ZFYVE16: variants seen among roughly 807,000 people sequenced by gnomAD.
The protein encoded by ZFYVE16 is zinc finger FYVE-type containing 16.
In ZFYVE16, 89 loss-of-function variants were observed where a neutral mutation model predicts 138.1. The observed-to-expected ratio is 0.64, with a 90% confidence interval of 0.54 to 0.77. The LOEUF is 0.77. Ranked by LOEUF, ZFYVE16 falls within the 30% of genes least tolerant of loss-of-function variation. The pLI, the probability that ZFYVE16 is intolerant of heterozygous loss-of-function variation, is 0.00. For missense variants in ZFYVE16, 1,793 were observed against 1,786.7 expected (o/e 1.00, Z -0.06); for synonymous variants, 596 against 618.3 (o/e 0.96, Z 0.53).
chr5:80,441,501 C>T, intron 5 of ZFYVE16: 5 of 985,134 alleles, frequency 5.1e-6, no homozygotes, highest in Non-Finnish European at 4.8e-6. Flanking sequence ...AAAGTTAATA[C>T]CAGCTTTAGG....
chr5:80,409,115 T>C (rs1462891300), intron 1 of ZFYVE16, among the ~76,000 whole-genome samples: 1 of 151,842 alleles, frequency 6.6e-6, no homozygotes, highest in Non-Finnish European at 1.5e-5. Context: ...CTTATAATAT[T>C]TTGACTTTTT....
chr5:80,436,741 G>C lies in ZFYVE16; in HGVS notation c.71-15G>C, dbSNP rs777550281. 4 of 1,588,032 alleles carry C rather than the reference G, an allele frequency of 2.5e-6. No homozygotes were observed. Among genetic ancestry groups the C allele is most frequent in the Admixed American group, 3.6e-5 (2 of 55,758 alleles). On this transcript the variant is annotated splice_polypyrimidine_tract_variant and intron_variant, in intron 3 of 18. Coordinates refer to ENST00000505560, the MANE Select transcript of ZFYVE16 (RefSeq NM_001284236.3). ...TGATTTAAGTCTCCCGAATAACACTGTTTCTCTATTTCAGATGAACAAGAT... is the reference window on the plus strand; with the variant it reads ...TGATTTAAGTCTCCCGAATAACACTCTTTCTCTATTTCAGATGAACAAGAT...
rs1294534509 is a variant in ZFYVE16 at position 80,482,290 on chromosome 5, G to A, written c.*4913G>A. 1 of 152,176 alleles carries A rather than the reference G, an allele frequency of 6.6e-6. No homozygotes were observed. Among genetic ancestry groups the A allele is most frequent in the East Asian group, 1.9e-4 (1 of 5,202 alleles). The allele number at this position is 152,176 out of a possible 1,614,324, so 9.4% of individuals were successfully genotyped here. A position where few individuals can be genotyped will look rare whatever the true frequency, so the allele number is the denominator to read the frequency against. On this transcript the variant is annotated 3_prime_UTR_variant, in exon 19 of 19. Coordinates refer to ENST00000505560, the MANE Select transcript of ZFYVE16 (RefSeq NM_001284236.3). ...TGAAAATACAATAACAAAATTTACT[G>A]GAAGGTCTCAACACAATGAAGATGA...
chr5:80,426,262 GTGT>G (rs1748022808), intron 1 of ZFYVE16, among the ~76,000 whole-genome samples: 4 of 57,126 alleles, frequency 7.0e-5, no homozygotes, highest in Admixed American at 5.7e-4. Flanking sequence ...GTGTGTGTGT[GTGT>G]GTGTGTGTAT....
intron 1 of ZFYVE16, among the ~76,000 whole-genome samples, chr5:80,416,088 CTG>C (rs1580082890): frequency 6.6e-6 from 1 of 152,124 alleles, no homozygotes; most frequent in East Asian, 1.9e-4. Context: ...TAGAAAGTCA[CTG>C]TGCGCTGCAC....
chr5:80,464,531 C>G (rs1217952770), intron 15 of ZFYVE16, among the ~76,000 whole-genome samples: 1 of 152,104 alleles, frequency 6.6e-6, no homozygotes, highest in Non-Finnish European at 1.5e-5. Flanking sequence ...GGACACAAAG[C>G]CTAACCATAT....
Position 80,480,073 on chromosome 5 carries a change from T to C in ZFYVE16, c.*2696T>C, listed in dbSNP as rs1755207519. Among the ~76,000 whole-genome samples, 1 of 151,674 alleles carries C rather than the reference T, an allele frequency of 6.6e-6. No homozygotes were observed. Among genetic ancestry groups the C allele is most frequent in the Admixed American group, 6.5e-5 (1 of 15,268 alleles). ...TTTCATTGTAGGCCTCAAATTACTTTTCAAATATGTCTAGTAACACATAGT... is the reference window on the plus strand; with the variant it reads ...TTTCATTGTAGGCCTCAAATTACTTCTCAAATATGTCTAGTAACACATAGT... On this transcript the variant is annotated 3_prime_UTR_variant, in exon 19 of 19. Transcript: ENST00000505560.
rs572800491 is a variant in ZFYVE16, at chr5:80,480,157, A to C, written c.*2780A>C. On this transcript the variant is annotated 3_prime_UTR_variant, in exon 19 of 19. Coordinates refer to ENST00000505560, the MANE Select transcript of ZFYVE16 (RefSeq NM_001284236.3). ...AGGCAAGAATTACTTGAAGCAATGA[A>C]AACAAACTCACAGATATAGGTATTA... is the stretch of plus-strand genomic sequence containing the variant. Among the ~76,000 whole-genome samples the C allele has an allele frequency of 6.6e-6, 1 of 151,706 alleles. No homozygotes were observed. Among genetic ancestry groups the C allele is most frequent in the South Asian group, 2.1e-4 (1 of 4,832 alleles).
At chr5:80,428,658 G>A (rs928697639) in intron 2 of ZFYVE16, among the ~76,000 whole-genome samples, 10 of 152,290 alleles carry the variant, frequency 6.6e-5, no homozygotes, top group Admixed American at 1.3e-4. Context: ...AAACTTCTCC[G>A]AACTAAAGCA....
At position 80,451,526 on chromosome 5, in the gene ZFYVE16, A is replaced by C. The variant is rs765960937; in HGVS notation, c.3424A>C (p.Ser1142Arg). The change falls in exon 11 of 19, where the codon AGT (serine) becomes CGT (arginine). Residue 1142 changes from serine to arginine, a missense_variant. Physicochemically the swap from Ser to Arg is moderately radical, Grantham distance 110. This residue lies in a region of ZFYVE16 where 498 missense variants were observed against 582.4 expected (regional missense o/e 0.86). Coordinates refer to ENST00000505560, the MANE Select transcript of ZFYVE16 (RefSeq NM_001284236.3). ...ENLDNITFTESFLSSKDHGGF... is the reference protein window; with the variant it reads ...ENLDNITFTERFLSSKDHGGF... ...CTTGGACAATATTACCTTTACTGAG[A>C]GTTTTCTCAGTAGCAAGGATCACGG... The C allele has an allele frequency of 1.2e-6, 2 of 1,613,444 alleles. No individual in the cohort carries two copies. The highest frequency in any genetic ancestry group is 2.7e-5 in the African/African-American group (2 of 74,888).
chr5:80,410,462 A>G (rs1197312447), intron 1 of ZFYVE16: 2 of 152,196 alleles, frequency 1.3e-5, no homozygotes, highest in Non-Finnish European at 2.9e-5. Context: ...AATTTTCATA[A>G]TCTTACTAGT....
chr5:80,431,571 T>C (rs980390110), intron 2 of ZFYVE16, among the ~76,000 whole-genome samples: 13 of 152,116 alleles, frequency 8.5e-5, no homozygotes, highest in African/African-American at 3.1e-4. Flanking sequence ...CAACATAGTT[T>C]TGGAAGTTCT....
chr5:80,473,087 C>T (rs1182959626), intron 16 of ZFYVE16, among the ~76,000 whole-genome samples, 164 bp downstream of exon 16: 1 of 152,094 alleles, frequency 6.6e-6, no homozygotes, highest in Non-Finnish European at 1.5e-5. Context: ...AAACATGTGC[C>T]TAACTAGCCT....
In ZFYVE16 at chr5:80,463,556, C is replaced by T. The variant is rs184625387; in HGVS notation, c.4024+4062C>T. Among the ~76,000 whole-genome samples, 9 of 152,242 alleles carry T rather than the reference C, an allele frequency of 5.9e-5. No homozygotes were observed. The East Asian group carries it at 1.7e-3, about 29-fold the overall frequency. ...CTCTGGTATGCCCTAGAGACATTTT[C>T]CCCATTGTCTTGGGGATTAATGTTT... On this transcript the variant is annotated intron_variant, in intron 15 of 18. Coordinates refer to ENST00000505560, the MANE Select transcript of ZFYVE16 (RefSeq NM_001284236.3).
At chr5:80,447,351 T>C (rs1401931230) in intron 7 of ZFYVE16, among the ~76,000 whole-genome samples, 1 of 151,958 alleles carries the variant, frequency 6.6e-6, no homozygotes, top group Non-Finnish European at 1.5e-5. Flanking sequence ...AAACATATGC[T>C]GTTTGTCAAG....
Position 80,464,765 on chromosome 5 carries a change from A to C in ZFYVE16, c.4024+5271A>C, listed in dbSNP as rs376178982. Among the ~76,000 whole-genome samples, 17 of 151,850 alleles carry C rather than the reference A, an allele frequency of 1.1e-4. 1 individual carries two copies. Among genetic ancestry groups the C allele is most frequent in the African/African-American group, 3.9e-4 (16 of 41,412 alleles). ...CTTCCCTACTGTGTTTTTTTGTGTT[A>C]GATATTTTCTAGTGTACCATTTTAA... is the stretch of plus-strand genomic sequence containing the variant. On this transcript the variant is annotated intron_variant, in intron 15 of 18. Coordinates refer to ENST00000505560, the MANE Select transcript of ZFYVE16 (RefSeq NM_001284236.3).
In ZFYVE16 at chr5:80,474,822, A is replaced by G. The variant is rs766034094; in HGVS notation, c.4453A>G (p.Thr1485Ala). ...AATTGGACTCAGAGTTTCCATTGACACTGATATGGTGAGGCATGTTTTTGT... is the reference window on the plus strand; with the variant it reads ...AATTGGACTCAGAGTTTCCATTGACGCTGATATGGTGAGGCATGTTTTTGT... Reference protein sequence around the residue: ...NKIGLRVSIDTDMVEFQAGSE... With the variant: ...NKIGLRVSIDADMVEFQAGSE... The change falls in exon 18 of 19, where the codon ACT becomes GCT. Residue 1485 changes from threonine to alanine, a missense_variant. This residue lies in a region of ZFYVE16 where 498 missense variants were observed against 582.4 expected (regional missense o/e 0.86). Coordinates refer to ENST00000505560, the MANE Select transcript of ZFYVE16 (RefSeq NM_001284236.3). The G allele has an allele frequency of 6.2e-7, 1 of 1,610,342 alleles. No individual in the cohort carries two copies. Among genetic ancestry groups the G allele is most frequent in the East Asian group, 2.2e-5 (1 of 44,862 alleles).
In ZFYVE16 at chr5:80,457,085, T is replaced by C. The variant is rs142989767; in HGVS notation, c.3936T>C (p.Pro1312=). 949 of 1,611,264 alleles carry C rather than the reference T, an allele frequency of 5.9e-4. 7 individuals are homozygous for C. In the African/African-American group the frequency reaches 0.011, roughly 19 times the overall value. Reference sequence around the variant, plus strand: ...AGGCCAACAGTGCCACTGGCCATCCTAGAAAAGGTGAGCATCTTGGTTCCT... The same window carrying C: ...AGGCCAACAGTGCCACTGGCCATCCCAGAAAAGGTGAGCATCTTGGTTCCT... ...ETQANSATGH[P]RKVTGASFVV... The change falls in exon 14 of 19, where the codon CCT becomes CCC. Residue 1312 remains proline (P), a synonymous_variant. Coordinates refer to ENST00000505560, the MANE Select transcript of ZFYVE16 (RefSeq NM_001284236.3).
rs138937288 is a variant in ZFYVE16, at chr5:80,459,441, A to G, written c.3971A>G (p.Asn1324Ser). 1.9e-3 allele frequency: 3,045 copies of G among 1,613,254 alleles called. 3 individuals are homozygous for G. The highest frequency in any genetic ancestry group is 2.1e-3 in the Middle Eastern group (13 of 6,058). ...KVTGASFVVF[N>S]GALKTSSGFL... Reference sequence around the variant, plus strand: ...ACAGGTGCAAGTTTTGTGGTATTCAATGGAGCTCTAAAAACATCTTCAGGA... The same window carrying G: ...ACAGGTGCAAGTTTTGTGGTATTCAGTGGAGCTCTAAAAACATCTTCAGGA... The change falls in exon 15 of 19, where the codon AAT becomes AGT. Residue 1324 changes from asparagine to serine, a missense_variant. This residue lies in a region of ZFYVE16 where 498 missense variants were observed against 582.4 expected (regional missense o/e 0.86). Coordinates refer to ENST00000505560, the MANE Select transcript of ZFYVE16 (RefSeq NM_001284236.3).
Sources: allele counts gnomAD v4.1 joint callset (sites outside exome capture counted in the v4.1 genomes callset), GRCh38; gene constraint gnomAD v4.1.1; regional missense constraint gnomAD v4.1.1; transcripts MANE v1.5; gene names NCBI Gene and HGNC (gene_info 2026-07-23, HGNC 2026-07-21).